The following PDCD10 variants were observed in gnomAD, a reference collection of about 807,000 sequenced individuals.
PDCD10 encodes the protein programmed cell death protein 10.
In PDCD10, 4 loss-of-function variants were observed where a neutral mutation model predicts 29.2. The observed-to-expected ratio is 0.14, with a 90% confidence interval of 0.07 to 0.31. The LOEUF (loss-of-function observed/expected upper bound fraction) is 0.31, where lower values mean the gene tolerates loss of function less well. Among genes scored for constraint, PDCD10 ranks in the 10% least tolerant of loss-of-function variants. The probability of loss-of-function intolerance (pLI) is 1.00; values close to 1 mark genes in which losing one functional copy is unlikely to be tolerated. For synonymous variants in PDCD10, 70 were observed against 82.2 expected (o/e 0.85, Z 0.80); for missense variants, 183 against 257.9 (o/e 0.71, Z 1.99).
At chr3:167,704,570 C>A (rs575006478) in intron 4 of PDCD10, 258 of 246,128 alleles carry the variant, frequency 1.0e-3, no homozygotes, top group African/African-American at 5.1e-3. Flanking sequence ...AAAAAAAAAA[C>A]CCTCAAAAAT....
intron 6 of PDCD10, among the ~76,000 whole-genome samples, chr3:167,695,223 T>C (rs1559951917): frequency 6.6e-6 from 1 of 152,192 alleles, no homozygotes; most frequent in Non-Finnish European, 1.5e-5. Flanking sequence ...TGCCTAAGAG[T>C]ACGTTACTTA....
intron 8 of PDCD10, 117 bp from the exon 9 acceptor site, chr3:167,684,506 G>C: frequency 1.5e-6 from 1 of 657,534 alleles, no homozygotes; most frequent in Non-Finnish European, 2.7e-6. Flanking sequence ...AGACAAGTTA[G>C]TATTATTAAA....
chr3:167,712,676 T>C (rs1722632228), intron 3 of PDCD10, among the ~76,000 whole-genome samples: 1 of 151,560 alleles, frequency 6.6e-6, no homozygotes, highest in African/African-American at 2.4e-5. Flanking sequence ...GAGTGGCAAA[T>C]GGATTAAAAA....
At chr3:167,724,080 C>G (rs1723852971) in intron 2 of PDCD10, among the ~76,000 whole-genome samples, 1 of 152,130 alleles carries the variant, frequency 6.6e-6, no homozygotes, top group African/African-American at 2.4e-5. Context: ...ATTTAAAGAG[C>G]CACACATGGG....
chr3:167,720,148 T>C lies in PDCD10; in HGVS notation c.10A>G (p.Thr4Ala). 6.2e-7 allele frequency: 1 copy of C among 1,610,438 alleles called. No individual in the cohort carries two copies. Among genetic ancestry groups the C allele is most frequent in the Non-Finnish European group, 8.5e-7 (1 of 1,176,984 alleles). ...GCTTCATTCTTCATCTCTTCCATTG[T>C]CATCCTCATTCAAAAGCCAACTACA... is the stretch of plus-strand genomic sequence containing the variant. MRM[T>A]MEEMKNEAET... The change falls in exon 3 of 9, where the codon ACA becomes GCA. Residue 4 changes from threonine to alanine, a missense_variant. Transcript: ENST00000392750.
At chr3:167,687,065 G>A (rs1719700010) in intron 8 of PDCD10, 169 bp downstream of exon 8, 2 of 542,962 alleles carry the variant, frequency 3.7e-6, no homozygotes, top group East Asian at 6.1e-5. Flanking sequence ...AAGGAGTTAT[G>A]GCTAGATTAG....
intron 2 of PDCD10, among the ~76,000 whole-genome samples, chr3:167,729,281 T>A (rs769863781): frequency 8.5e-5 from 13 of 152,240 alleles, no homozygotes; most frequent in Admixed American, 2.0e-4. Context: ...GTTGTTAGTC[T>A]ACAACGTGTA....
chr3:167,725,760 CGTTTATATAT>C, intron 2 of PDCD10, among the ~76,000 whole-genome samples: 1 of 92,338 alleles, frequency 1.1e-5, no homozygotes, highest in South Asian at 4.8e-4. Context: ...ACCATTGTAT[CGTTTATATAT>C]ATATATATAT....
At chr3:167,691,746 C>T (rs1344899501) in intron 6 of PDCD10, among the ~76,000 whole-genome samples, 1 of 152,164 alleles carries the variant, frequency 6.6e-6, no homozygotes, top group African/African-American at 2.4e-5. Flanking sequence ...CTCTATTTTT[C>T]AATCTCCAGA....
At chr3:167,687,196 T>C (rs1357166249) in intron 8 of PDCD10, 38 bp downstream of exon 8, 1 of 1,048,018 alleles carries the variant, frequency 9.5e-7, no homozygotes, top group Non-Finnish European at 1.5e-6. Flanking sequence ...ACATAATCTA[T>C]TTAATTTTAA....
intron 8 of PDCD10, among the ~76,000 whole-genome samples, chr3:167,686,708 G>T (rs1719663212): frequency 6.6e-6 from 1 of 152,196 alleles, no homozygotes; most frequent in Admixed American, 6.5e-5. Flanking sequence ...CAATTTGACT[G>T]TAACAAGTCC....
intron 3 of PDCD10, among the ~76,000 whole-genome samples, chr3:167,708,720 A>G (rs1429433852): frequency 2.6e-5 from 4 of 152,240 alleles, no homozygotes; most frequent in African/African-American, 9.6e-5. Context: ...TGCTTCTAAA[A>G]GAATCAGTTC....
At chr3:167,725,763 T>TTA (rs67647566) in intron 2 of PDCD10, among the ~76,000 whole-genome samples, 814 of 77,044 alleles carry the variant, frequency 0.011, 68 homozygotes, top group Non-Finnish European at 0.014. Context: ...ATTGTATCGT[T>TTA]TATATATATA....
At chr3:167,699,385 C>T (rs771569498) in intron 4 of PDCD10, among the ~76,000 whole-genome samples, 107 of 152,308 alleles carry the variant, frequency 7.0e-4, no homozygotes, top group Non-Finnish European at 1.3e-3. Context: ...TTTTAAAATA[C>T]TTCGTGGCAC....
intron 2 of PDCD10, chr3:167,730,793 A>G (rs1257349645): frequency 2.0e-5 from 3 of 152,216 alleles, no homozygotes; most frequent in African/African-American, 7.2e-5. Context: ...TTTTAAAAAT[A>G]ATCTTTTTAT....
At chr3:167,686,156 T>C (rs545091544) in intron 8 of PDCD10, among the ~76,000 whole-genome samples, 86 of 152,332 alleles carry the variant, frequency 5.6e-4, no homozygotes, top group Non-Finnish European at 9.8e-4. Flanking sequence ...GTTCAAAAAA[T>C]TCTCACATTT....
At chr3:167,702,807 ATGTCCTCC>A in intron 4 of PDCD10, among the ~76,000 whole-genome samples, 1 of 152,286 alleles carries the variant, frequency 6.6e-6, no homozygotes, top group African/African-American at 2.4e-5. Flanking sequence ...CATTTTTAAC[ATGTCCTCC>A]TTCAATTTCA....
At chr3:167,712,193 T>C (rs1413119613) in intron 3 of PDCD10, among the ~76,000 whole-genome samples, 1 of 151,930 alleles carries the variant, frequency 6.6e-6, no homozygotes, top group Non-Finnish European at 1.5e-5. Flanking sequence ...ATAATAACTA[T>C]AACAACTTTT....
At chr3:167,713,438 T>G (rs1185584686) in intron 3 of PDCD10, among the ~76,000 whole-genome samples, 1 of 151,880 alleles carries the variant, frequency 6.6e-6, no homozygotes, top group Non-Finnish European at 1.5e-5. Context: ...AAAGCAGTAC[T>G]AAGGAAGTTT....
Sources: gnomAD v4.1 joint callset for allele counts (sites outside exome capture counted in the v4.1 genomes callset) on GRCh38, gnomAD v4.1.1 for gene constraint, MANE v1.5 for transcripts, NCBI Gene and HGNC (gene_info 2026-07-23, HGNC 2026-07-21) for gene names.